Variants in KIT observed in about 807,000 individuals in gnomAD.
KIT encodes mast/stem cell growth factor receptor Kit.
Under a neutral mutation model 105.7 loss-of-function variants are expected in KIT, and 16 were observed. The observed-to-expected ratio is 0.15, with a 90% CI of 0.10 to 0.23. KIT has a LOEUF of 0.23. Ranked by LOEUF, KIT falls within the 10% of genes least tolerant of loss-of-function variation. The probability of loss-of-function intolerance (pLI) is 1.00; values close to 1 mark genes in which losing one functional copy is unlikely to be tolerated. For synonymous variants in KIT, 438 were observed against 441.1 expected (o/e 0.99, Z 0.09); for missense variants, 858 against 1,213.8 (o/e 0.71, Z 4.36).
chr4:54,659,483 A>G (rs992376564), intron 1 of KIT, among the ~76,000 whole-genome samples: 1 of 152,168 alleles, frequency 6.6e-6, no homozygotes. Flanking sequence ...AAGCGGCGCA[A>G]TGAACGGTTT....
Position 54,731,394 on chromosome 4 carries a change from C to T in KIT, c.2208C>T (p.Ala736=), listed in dbSNP as rs375902940. Residue 736 remains alanine, a synonymous_variant, in exon 15 of 21, where the codon GCC becomes GCT. Transcript: ENST00000288135. ...PGVSYVVPTK[A]DKRRSVRIGS... is the part of the protein sequence containing the mutation. Reference sequence around the variant, plus strand: ...TTTCTTATGTTGTCCCAACCAAGGCCGACAAAAGGAGATCTGTGAGAATAG... The same window carrying T: ...TTTCTTATGTTGTCCCAACCAAGGCTGACAAAAGGAGATCTGTGAGAATAG... 50 of 1,612,946 alleles carry T rather than the reference C, an allele frequency of 3.1e-5. No individual in the cohort carries two copies. The highest frequency in any genetic ancestry group is 2.7e-4 in the East Asian group (12 of 44,868).
At chr4:54,736,872 T>C (rs1313784899) in intron 19 of KIT, 52 bp downstream of exon 19, 2 of 1,401,054 alleles carry the variant, frequency 1.4e-6, no homozygotes, top group Non-Finnish European at 2.0e-6. Context: ...TTTATTTTTC[T>C]TTTTAGAGAC....
chr4:54,725,829 G>A (rs559221420), intron 8 of KIT, 28 bp from the exon 9 acceptor site: 1 of 1,604,498 alleles, frequency 6.2e-7, no homozygotes, highest in Non-Finnish European at 8.5e-7. Context: ...CCTAGAGTAA[G>A]CCAGGGCTTT....
intron 4 of KIT, among the ~76,000 whole-genome samples, chr4:54,701,600 A>G (rs984811436): frequency 6.6e-6 from 1 of 152,106 alleles, no homozygotes; most frequent in African/African-American, 2.4e-5. Flanking sequence ...ATCCTAACTT[A>G]TGGGCTTTGG....
chr4:54,658,224 G>T lies in KIT; in HGVS notation c.67+143G>T. The T allele has an allele frequency of 6.1e-6, 5 of 824,148 alleles. No homozygotes were observed. In the South Asian group the frequency reaches 7.3e-5, roughly 12 times the overall value. The allele number at this position is 824,148 out of a possible 1,614,324, so 51.1% of individuals were successfully genotyped here. Reference sequence around the variant, plus strand: ...CGTTCCAGCCTCCGGGGAGACTCCAGGTGGCCCTCGGACTCTCCGGCGCCC... The same window carrying T: ...CGTTCCAGCCTCCGGGGAGACTCCATGTGGCCCTCGGACTCTCCGGCGCCC... On this transcript the variant is annotated intron_variant, in intron 1 of 20. Transcript: ENST00000288135.
intron 1 of KIT, among the ~76,000 whole-genome samples, chr4:54,682,309 T>C (rs2855772): frequency 0.17 from 25,225 of 152,078 alleles, 4,061 homozygotes; most frequent in African/African-American, 0.42. Flanking sequence ...AAGCTGGTCT[T>C]GAGCTCCTGG....
rs568132147 is a variant in KIT at position 54,736,944 on chromosome 4, A to G, written c.2696+124A>G. On this transcript the variant is annotated intron_variant, in intron 19 of 20. Coordinates refer to ENST00000288135, the MANE Select transcript of KIT (RefSeq NM_000222.3). ...TGAAATGTCACTTGGATTCTTTATGACACACTGGTCAAATGTCATTTCTGT... is the reference window on the plus strand; with the variant it reads ...TGAAATGTCACTTGGATTCTTTATGGCACACTGGTCAAATGTCATTTCTGT... The G allele has an allele frequency of 5.2e-5, 40 of 771,996 alleles. 1 individual carries two copies. The South Asian group carries it at 5.9e-4, about 11-fold the overall frequency. 47.8% of individuals were successfully genotyped at this position (771,996 alleles called of 1,614,324 possible).
chr4:54,722,903 T>C (rs1269689553), intron 7 of KIT, among the ~76,000 whole-genome samples: 2 of 146,286 alleles, frequency 1.4e-5, no homozygotes, highest in African/African-American at 2.5e-5. Context: ...ATATATATAT[T>C]CACGTTCATA....
At chr4:54,660,025 A>T (rs1717133177) in intron 1 of KIT, among the ~76,000 whole-genome samples, 1 of 152,158 alleles carries the variant, frequency 6.6e-6, no homozygotes, top group Admixed American at 6.5e-5. Context: ...CCTCCAGAGT[A>T]CAAGGAGGCA....
chr4:54,721,355 A>G (rs1304586092), intron 7 of KIT, among the ~76,000 whole-genome samples: 3 of 152,180 alleles, frequency 2.0e-5, no homozygotes, highest in African/African-American at 7.2e-5. Flanking sequence ...GCACTCTCCT[A>G]AGGGTCTGCT....
Position 54,695,565 on chromosome 4 carries a change from C to G in KIT, c.121C>G (p.Pro41Ala). 1.2e-6 allele frequency: 2 copies of G among 1,614,194 alleles called. No individual in the cohort carries two copies. The highest frequency in any genetic ancestry group is 1.7e-6 in the Non-Finnish European group (2 of 1,180,030). Reference sequence around the variant, plus strand: ...GGAACCGTCTCCACCATCCATCCATCCAGGAAAATCAGACTTAATAGTCCG... The same window carrying G: ...GGAACCGTCTCCACCATCCATCCATGCAGGAAAATCAGACTTAATAGTCCG... The part of the protein sequence containing the change: ...PGEPSPPSIH[P>A]GKSDLIVRVG... Residue 41 changes from proline to alanine, a missense_variant, in exon 2 of 21, where the codon CCA becomes GCA. Around this residue, in one of 7 missense-constraint regions of KIT, gnomAD observed 401 missense variants for 601.0 expected, o/e 0.67. Coordinates refer to ENST00000288135, the MANE Select transcript of KIT (RefSeq NM_000222.3).
At chr4:54,721,171 A>C (rs1442196090) in intron 7 of KIT, among the ~76,000 whole-genome samples, 1 of 152,170 alleles carries the variant, frequency 6.6e-6, no homozygotes, top group Non-Finnish European at 1.5e-5. Context: ...CTGATGGAGG[A>C]GGCAGACCAA....
chr4:54,662,401 C>G (rs977393083), intron 1 of KIT, among the ~76,000 whole-genome samples: 1 of 152,216 alleles, frequency 6.6e-6, no homozygotes, highest in Middle Eastern at 3.2e-3. Flanking sequence ...CTTAACCTCT[C>G]TGTGCCAGTA....
intron 2 of KIT, among the ~76,000 whole-genome samples, chr4:54,697,469 G>T (rs1184572671): frequency 6.6e-6 from 1 of 152,164 alleles, no homozygotes; most frequent in Non-Finnish European, 1.5e-5. Context: ...AATTAGGTTT[G>T]TCTGGCTTCT....
intron 1 of KIT, among the ~76,000 whole-genome samples, chr4:54,676,069 A>T (rs2109585989): frequency 6.6e-6 from 1 of 152,316 alleles, no homozygotes; most frequent in South Asian, 2.1e-4. Context: ...TGCTCACTCA[A>T]GAAAATCTGT....
intron 1 of KIT, among the ~76,000 whole-genome samples, chr4:54,661,502 G>A (rs908079745): frequency 3.3e-5 from 5 of 152,212 alleles, no homozygotes. Context: ...CTCAGAGCTG[G>A]CCTGCAGTGT....
chr4:54,704,927 C>T (rs781621424), intron 5 of KIT, among the ~76,000 whole-genome samples: 8 of 152,116 alleles, frequency 5.3e-5, no homozygotes, highest in Admixed American at 5.2e-4. Flanking sequence ...AAAATTTTGG[C>T]GTTTCTGCCC....
At chr4:54,719,509 C>T (rs1057236521) in intron 7 of KIT, among the ~76,000 whole-genome samples, 2 of 152,000 alleles carry the variant, frequency 1.3e-5, no homozygotes, top group African/African-American at 4.8e-5. Flanking sequence ...ACAAGCTGAT[C>T]GGTGTTGTTG....
rs759680567 is a variant in KIT, at chr4:54,738,671, C to T, written c.*114C>T. 28 of 1,282,448 alleles carry T rather than the reference C, an allele frequency of 2.2e-5. No homozygotes were observed. The highest frequency in any genetic ancestry group is 3.1e-5 in the Non-Finnish European group (28 of 892,016). 79.4% of individuals were successfully genotyped at this position (1,282,448 alleles called of 1,614,324 possible). Reference sequence around the variant, plus strand: ...CAACTCCAGGATAGTGGGCACCCCACTGCAATCCTGTCTTTCTGAGCACAC... The same window carrying T: ...CAACTCCAGGATAGTGGGCACCCCATTGCAATCCTGTCTTTCTGAGCACAC... On this transcript the variant is annotated 3_prime_UTR_variant, in exon 21 of 21. Coordinates refer to ENST00000288135, the MANE Select transcript of KIT (RefSeq NM_000222.3).
Sources: allele counts gnomAD v4.1 joint callset (sites outside exome capture counted in the v4.1 genomes callset), GRCh38; gene constraint gnomAD v4.1.1; regional missense constraint gnomAD v4.1.1; transcripts MANE v1.5; gene names NCBI Gene and HGNC (gene_info 2026-07-23, HGNC 2026-07-21).